RORA: variants seen among roughly 807,000 people sequenced by gnomAD.
RORA encodes nuclear receptor ROR-alpha.
RORA carries 7 observed loss-of-function variants against 69.5 expected under a neutral mutation model. The observed-to-expected ratio is 0.10, with a 90% CI of 0.06 to 0.19. RORA has a LOEUF of 0.19. Among genes scored for constraint, RORA ranks in the 10% least tolerant of loss-of-function variants. The pLI is 1.00. For synonymous variants in RORA, 261 were observed against 240.8 expected, an observed-to-expected ratio of 1.08 and a Z score of -0.78; for missense variants, 457 against 663.0, an observed-to-expected ratio of 0.69 and a Z score of 3.41.
intron 2 of RORA, among the ~76,000 whole-genome samples, chr15:60,579,307 G>C (rs754939281): frequency 6.6e-6 from 1 of 152,084 alleles, no homozygotes; most frequent in Non-Finnish European, 1.5e-5. Flanking sequence ...CCCCGCAGGG[G>C]GTCCCTGGAT....
chr15:60,752,308 C>A (rs185493005), intron 1 of RORA, among the ~76,000 whole-genome samples: 62 of 152,292 alleles, frequency 4.1e-4, no homozygotes, highest in Middle Eastern at 3.4e-3. Context: ...CTGATTTCCT[C>A]TTTCCTTTTC....
At chr15:61,024,099 C>T (rs1203436086) in intron 1 of RORA, among the ~76,000 whole-genome samples, 2 of 151,980 alleles carry the variant, frequency 1.3e-5, no homozygotes, top group Admixed American at 6.6e-5. Context: ...ATATGCACAA[C>T]ACCAAGAGAG....
intron 1 of RORA, among the ~76,000 whole-genome samples, chr15:60,934,292 T>C (rs1290272300): frequency 6.6e-6 from 1 of 152,204 alleles, no homozygotes; most frequent in Non-Finnish European, 1.5e-5. Context: ...AAGGAAGACA[T>C]TGCTAAAGTT....
At chr15:60,577,250 T>C (rs189087487) in intron 2 of RORA, among the ~76,000 whole-genome samples, 259 of 152,356 alleles carry the variant, frequency 1.7e-3, no homozygotes, top group Non-Finnish European at 2.7e-3. Context: ...TATTGTTACC[T>C]TGTGCTTTGT....
chr15:60,638,445 A>C (rs1596086027), intron 2 of RORA, among the ~76,000 whole-genome samples: 1 of 130,782 alleles, frequency 7.6e-6, no homozygotes, highest in Non-Finnish European at 1.6e-5. Flanking sequence ...ATGGCCTGTT[A>C]ATTAACATCT....
At chr15:61,122,982 C>T (rs2079116405) in intron 1 of RORA, among the ~76,000 whole-genome samples, 1 of 152,094 alleles carries the variant, frequency 6.6e-6, no homozygotes, top group Non-Finnish European at 1.5e-5. Context: ...AGGTACATCA[C>T]TTTCATATTC....
intron 2 of RORA, chr15:60,592,931 G>T (rs75937241): frequency 4.4e-6 from 2 of 455,636 alleles, no homozygotes; most frequent in South Asian, 1.6e-5. Flanking sequence ...TGGCTTGCCG[G>T]AGCACTCGGG....
At chr15:60,703,291 C>T (rs1232585497) in intron 1 of RORA, among the ~76,000 whole-genome samples, 1 of 152,154 alleles carries the variant, frequency 6.6e-6, no homozygotes, top group African/African-American at 2.4e-5. Flanking sequence ...ACCCTCAACG[C>T]CCATGGAAGC....
intron 1 of RORA, among the ~76,000 whole-genome samples, chr15:61,139,547 T>C (rs139246784): frequency 2.6e-4 from 40 of 152,298 alleles, no homozygotes; most frequent in African/African-American, 9.6e-4. Flanking sequence ...TGTGACCAAG[T>C]TAAACCAGAG....
intron 1 of RORA, among the ~76,000 whole-genome samples, chr15:61,134,745 C>T (rs1008602474): frequency 1.3e-5 from 2 of 152,136 alleles, no homozygotes; most frequent in African/African-American, 4.8e-5. Context: ...GTATACATGA[C>T]ACAAGCAAGC....
chr15:60,541,572 G>C (rs1023379051), intron 2 of RORA, among the ~76,000 whole-genome samples: 2 of 152,224 alleles, frequency 1.3e-5, no homozygotes, highest in Non-Finnish European at 2.9e-5. Flanking sequence ...GCAGGAGCTG[G>C]TGGCTATTTC....
chr15:61,105,300 C>A (rs2078936987), intron 1 of RORA, among the ~76,000 whole-genome samples: 1 of 152,156 alleles, frequency 6.6e-6, no homozygotes. Flanking sequence ...ATAAAAGTTT[C>A]ATGAGAGCAG....
intron 1 of RORA, among the ~76,000 whole-genome samples, chr15:60,836,720 C>G (rs2073120694): frequency 6.6e-6 from 1 of 152,260 alleles, no homozygotes; most frequent in East Asian, 1.9e-4. Context: ...CCATTTAACC[C>G]CTGCAGGAAA....
chr15:60,660,698 T>C (rs1270245932), intron 2 of RORA, among the ~76,000 whole-genome samples: 1 of 152,066 alleles, frequency 6.6e-6, no homozygotes, highest in East Asian at 1.9e-4. Context: ...CTGTGACTCA[T>C]AACCAGAAAT....
intron 1 of RORA, among the ~76,000 whole-genome samples, chr15:61,120,065 C>T (rs1219203403): frequency 6.6e-6 from 1 of 152,164 alleles, no homozygotes. Flanking sequence ...AGTGTCAGAT[C>T]TAATGTGGAT....
chr15:61,171,068 T>C (rs1243752069), intron 1 of RORA, among the ~76,000 whole-genome samples: 1 of 152,162 alleles, frequency 6.6e-6, no homozygotes, highest in African/African-American at 2.4e-5. Flanking sequence ...GAATTTGCTA[T>C]TGTCTGATTT....
chr15:60,613,204 G>A (rs1460866332), intron 2 of RORA, among the ~76,000 whole-genome samples: 2 of 151,876 alleles, frequency 1.3e-5, no homozygotes, highest in African/African-American at 2.4e-5. Flanking sequence ...CACTACAACC[G>A]CCTCTCTCAT....
chr15:61,219,542 T>C (rs1374276596), intron 1 of RORA, among the ~76,000 whole-genome samples: 1 of 151,792 alleles, frequency 6.6e-6, no homozygotes, highest in East Asian at 1.9e-4. Flanking sequence ...GCCACTGCAC[T>C]CCAGCCTGGG....
chr15:60,675,480 A>G (rs2070539214), intron 2 of RORA, among the ~76,000 whole-genome samples: 1 of 152,256 alleles, frequency 6.6e-6, no homozygotes, highest in African/African-American at 2.4e-5. Flanking sequence ...CATCACAAAT[A>G]TAAGAATTCC....
Sources: gnomAD v4.1 joint callset for allele counts (sites outside exome capture counted in the v4.1 genomes callset) on GRCh38, gnomAD v4.1.1 for gene constraint, MANE v1.5 for transcripts, NCBI Gene and HGNC (gene_info 2026-07-23, HGNC 2026-07-21) for gene names.